SORCS3: variants seen among roughly 807,000 people sequenced by gnomAD.
The protein encoded by SORCS3 is VPS10 domain-containing receptor SorCS3.
A neutral mutation model predicts 146.3 loss-of-function variants in SORCS3; 57 were observed. The observed-to-expected ratio is 0.39, with a 90% CI of 0.31 to 0.49. The LOEUF (loss-of-function observed/expected upper bound fraction) is 0.49, where lower values mean the gene tolerates loss of function less well. Ranked by LOEUF, SORCS3 falls within the 20% of genes least tolerant of loss-of-function variation. The probability of loss-of-function intolerance (pLI) is 0.92; values close to 1 mark genes in which losing one functional copy is unlikely to be tolerated. For missense variants in SORCS3, 1,341 were observed against 1,575.5 expected (o/e 0.85, Z 2.52); for synonymous variants, 653 against 618.5 (o/e 1.06, Z -0.83).
intron 5 of SORCS3, among the ~76,000 whole-genome samples, chr10:105,078,172 G>A (rs1308709263): frequency 2.6e-5 from 4 of 152,124 alleles, no homozygotes; most frequent in African/African-American, 9.7e-5. Context: ...TTAATTAAAT[G>A]AATGAAATCT....
chr10:104,906,401 A>G (rs1464949959), intron 2 of SORCS3, among the ~76,000 whole-genome samples: 1 of 152,180 alleles, frequency 6.6e-6, no homozygotes, highest in African/African-American at 2.4e-5. Flanking sequence ...TAGCCTGTCC[A>G]CTGGGGGTTA....
intron 1 of SORCS3, among the ~76,000 whole-genome samples, chr10:104,794,395 C>T (rs1265986620): frequency 2.6e-5 from 4 of 152,070 alleles, no homozygotes; most frequent in South Asian, 2.1e-4. Context: ...GCCAAGTGGC[C>T]GCTGTGGATG....
intron 1 of SORCS3, among the ~76,000 whole-genome samples, chr10:104,818,833 G>A (rs1048827709): frequency 2.6e-5 from 4 of 152,114 alleles, no homozygotes; most frequent in Admixed American, 2.6e-4. Context: ...AAGCTGGTGT[G>A]TAGGGATGAG....
At chr10:104,915,989 G>A (rs1347676563) in intron 3 of SORCS3, 57 bp downstream of exon 3, 2 of 1,351,246 alleles carry the variant, frequency 1.5e-6, no homozygotes, top group African/African-American at 2.9e-5. Context: ...GTGCTGATTA[G>A]GGCCAGAGGT....
chr10:105,253,278 A>G (rs147599260), intron 23 of SORCS3, among the ~76,000 whole-genome samples: 4 of 152,294 alleles, frequency 2.6e-5, no homozygotes, highest in Admixed American at 6.5e-5. Flanking sequence ...TTCTGGGACT[A>G]TGTGCCTCTT....
intron 1 of SORCS3, among the ~76,000 whole-genome samples, chr10:104,789,987 C>T (rs1351760903): frequency 6.6e-6 from 1 of 152,194 alleles, no homozygotes; most frequent in Admixed American, 6.5e-5. Flanking sequence ...GGATTCTGTG[C>T]CAATGCCTCC....
chr10:104,838,068 A>G lies in SORCS3; in HGVS notation c.628-4724A>G, dbSNP rs75615666. Among the ~76,000 whole-genome samples, 1,191 of 152,282 alleles carry G rather than the reference A, an allele frequency of 7.8e-3. 15 individuals are homozygous for G. Among genetic ancestry groups the G allele is most frequent in the African/African-American group, 0.027 (1,129 of 41,566 alleles). The stretch of plus-strand genomic sequence containing the variant: ...TCTGTTTCAAAGGTTTTTTGTGAAG[A>G]TTGAGAATTGCCCAGTGTAGTACTT... On this transcript the variant is annotated intron_variant, in intron 1 of 26. Coordinates refer to ENST00000369701, the MANE Select transcript of SORCS3 (RefSeq NM_014978.3).
chr10:104,849,042 A>G (rs948322803), intron 2 of SORCS3, among the ~76,000 whole-genome samples: 3 of 152,220 alleles, frequency 2.0e-5, no homozygotes, highest in African/African-American at 4.8e-5. Context: ...AGAAGAGAGC[A>G]ATATGGCAAA....
intron 1 of SORCS3, among the ~76,000 whole-genome samples, chr10:104,704,052 A>G (rs933642446): frequency 3.9e-5 from 6 of 152,218 alleles, no homozygotes; most frequent in African/African-American, 1.2e-4. Flanking sequence ...GTTTAGAAGT[A>G]AATATCACTG....
chr10:105,012,234 C>T (rs1037902411), intron 4 of SORCS3, among the ~76,000 whole-genome samples: 2 of 152,152 alleles, frequency 1.3e-5, no homozygotes, highest in Non-Finnish European at 2.9e-5. Context: ...GCTAGGTATT[C>T]TCCCTGGTTC....
At chr10:105,025,890 C>T (rs1470374945) in intron 4 of SORCS3, among the ~76,000 whole-genome samples, 2 of 133,668 alleles carry the variant, frequency 1.5e-5, no homozygotes, top group African/African-American at 6.0e-5. Context: ...ACCTGAAGAA[C>T]AAGTTAATGC....
intron 1 of SORCS3, among the ~76,000 whole-genome samples, chr10:104,656,850 G>A (rs1430147078): frequency 6.6e-6 from 1 of 152,200 alleles, no homozygotes; most frequent in South Asian, 2.1e-4. Flanking sequence ...TTGGATGGTG[G>A]TAGTGGGGGT....
intron 1 of SORCS3, among the ~76,000 whole-genome samples, chr10:104,645,254 G>T (rs746148231): frequency 1.3e-5 from 2 of 152,172 alleles, no homozygotes; most frequent in Non-Finnish European, 2.9e-5. Flanking sequence ...GGTGATTAAT[G>T]GGTTAGAGAG....
intron 1 of SORCS3, among the ~76,000 whole-genome samples, chr10:104,753,212 G>A (rs1448295373): frequency 2.0e-5 from 3 of 152,218 alleles, no homozygotes; most frequent in Admixed American, 2.0e-4. Flanking sequence ...CTTCCCCACA[G>A]AAGAAGGTTT....
chr10:104,913,619 T>C (rs2018993134), intron 2 of SORCS3, among the ~76,000 whole-genome samples: 1 of 152,152 alleles, frequency 6.6e-6, no homozygotes, highest in Admixed American at 6.5e-5. Context: ...GTGCTGTACA[T>C]TTTGGAGAAA....
At chr10:105,022,013 AAGAAGATCAGT>A (rs1165920393) in intron 4 of SORCS3, among the ~76,000 whole-genome samples, 3 of 152,220 alleles carry the variant, frequency 2.0e-5, no homozygotes, top group African/African-American at 7.2e-5. Context: ...TGGATACAGT[AAGAAGATCAGT>A]AGCTGCCAGG....
intron 1 of SORCS3, among the ~76,000 whole-genome samples, chr10:104,820,228 G>C (rs1204224032): frequency 6.6e-6 from 1 of 152,082 alleles, no homozygotes; most frequent in African/African-American, 2.4e-5. Context: ...GATTTTGCTT[G>C]GTTACCTAAT....
chr10:104,991,502 CCTTT>C (rs2054994065), intron 4 of SORCS3, among the ~76,000 whole-genome samples: 1 of 140,420 alleles, frequency 7.1e-6, no homozygotes. Flanking sequence ...TCCTCTTCTT[CCTTT>C]TTTTTTTTTT....
chr10:105,176,419 G>A (rs1256188941), intron 13 of SORCS3, among the ~76,000 whole-genome samples: 3 of 151,960 alleles, frequency 2.0e-5, no homozygotes, highest in Non-Finnish European at 2.9e-5. Context: ...CAGGTCCAGT[G>A]GTACACACCT....
Sources: gnomAD v4.1 joint callset for allele counts (sites outside exome capture counted in the v4.1 genomes callset) on GRCh38, gnomAD v4.1.1 for gene constraint, MANE v1.5 for transcripts, NCBI Gene and HGNC (gene_info 2026-07-23, HGNC 2026-07-21) for gene names.